HERPUD2: variants seen among roughly 807,000 people sequenced by gnomAD.
HERPUD2 encodes homocysteine-responsive endoplasmic reticulum-resident ubiquitin-like domain member 2 protein.
A neutral mutation model predicts 49.9 loss-of-function variants in HERPUD2; 13 were observed. That is an observed-to-expected ratio of 0.26 (90% CI 0.17 to 0.41). The LOEUF is 0.41. Among genes scored for constraint, HERPUD2 ranks in the 10% least tolerant of loss-of-function variants. The pLI is 1.00. For missense variants in HERPUD2, 449 were observed against 492.2 expected (o/e 0.91, Z 0.83); for synonymous variants, 172 against 171.4 (o/e 1.00, Z -0.03).
chr7:35,684,219 T>C lies in HERPUD2; in HGVS notation c.147+9965A>G, dbSNP rs541805438. Among the ~76,000 whole-genome samples the C allele has an allele frequency of 1.8e-4, 27 of 152,136 alleles. 1 individual carries two copies. The highest frequency in any genetic ancestry group is 6.3e-4 in the African/African-American group (26 of 41,496). On this transcript the variant is annotated intron_variant, in intron 2 of 8. Transcript: ENST00000311350. ...GGCTAACACGGTGAAACCCTGTCTCTACTAAAAATACAAAAACAAAATTAG... is the reference window on the plus strand; with the variant it reads ...GGCTAACACGGTGAAACCCTGTCTCCACTAAAAATACAAAAACAAAATTAG...
chr7:35,636,953 C>G (rs374783127), intron 6 of HERPUD2, among the ~76,000 whole-genome samples: 1 of 151,976 alleles, frequency 6.6e-6, no homozygotes, highest in East Asian at 1.9e-4. Context: ...GCCAATGTGG[C>G]AAAACCCCTG....
intron 2 of HERPUD2, among the ~76,000 whole-genome samples, chr7:35,676,272 C>T (rs1278098653): frequency 6.6e-6 from 1 of 152,186 alleles, no homozygotes. Context: ...ACTGTATCTT[C>T]CTGGTATTGC....
rs909129744 is a variant in HERPUD2 at position 35,675,149 on chromosome 7, A to G, written c.148-1871T>C. 4.6e-5 allele frequency among the ~76,000 whole-genome samples: 7 copies of G among 152,220 alleles called. No homozygotes were observed. In the East Asian group the frequency reaches 5.8e-4, roughly 13 times the overall value. On this transcript the variant is annotated intron_variant, in intron 2 of 8. Coordinates refer to ENST00000311350, the MANE Select transcript of HERPUD2 (RefSeq NM_022373.5). ...CTATCCCCAGGTAGATAGTGTCAGAAGTACACTGAATTAAAGGACATTCAG... is the reference window on the plus strand; with the variant it reads ...CTATCCCCAGGTAGATAGTGTCAGAGGTACACTGAATTAAAGGACATTCAG...
rs572948288 is a variant in HERPUD2 at position 35,652,689 on chromosome 7, G to A, written c.495-14217C>T. Among the ~76,000 whole-genome samples, 5 of 151,536 alleles carry A rather than the reference G, an allele frequency of 3.3e-5. No homozygotes were observed. In the East Asian group the frequency reaches 7.8e-4, roughly 24 times the overall value. ...GAAAGGGAGGAAGGGAGGGAAGAGA[G>A]GGAGGGAGGGGAAGGGAAGGGAGAG... On this transcript the variant is annotated intron_variant, in intron 5 of 8. Transcript: ENST00000311350.
At chr7:35,643,252 T>C (rs1583539927) in intron 5 of HERPUD2, among the ~76,000 whole-genome samples, 1 of 152,202 alleles carries the variant, frequency 6.6e-6, no homozygotes, top group Admixed American at 6.5e-5. Flanking sequence ...CTCTGACCTA[T>C]CTACTTTGGC....
chr7:35,665,488 G>T (rs1785517969), intron 5 of HERPUD2, among the ~76,000 whole-genome samples: 1 of 152,238 alleles, frequency 6.6e-6, no homozygotes, highest in South Asian at 2.1e-4. Context: ...TAGGGTGGGA[G>T]TATCCCGATT....
chr7:35,647,235 C>T (rs763652963), intron 5 of HERPUD2, among the ~76,000 whole-genome samples: 41 of 152,058 alleles, frequency 2.7e-4, no homozygotes, highest in African/African-American at 8.2e-4. Context: ...CAAGACTCTG[C>T]GATTGCTTTA....
intron 2 of HERPUD2, among the ~76,000 whole-genome samples, chr7:35,679,868 G>A (rs1414127231): frequency 1.3e-5 from 2 of 152,114 alleles, no homozygotes; most frequent in African/African-American, 4.8e-5. Context: ...GTGACCAGTT[G>A]TTTAAGCCAA....
At chr7:35,645,321 C>T (rs1785032425) in intron 5 of HERPUD2, among the ~76,000 whole-genome samples, 1 of 152,084 alleles carries the variant, frequency 6.6e-6, no homozygotes, top group African/African-American at 2.4e-5. Flanking sequence ...GCTGGGCTTC[C>T]CTATAGTCAT....
At chr7:35,670,167 C>CA in intron 4 of HERPUD2, 48 bp downstream of exon 4, 1 of 911,554 alleles carries the variant, frequency 1.1e-6, no homozygotes, top group Non-Finnish European at 1.7e-6. Context: ...AAGACGACGA[C>CA]GAAAAAAAAA....
intron 5 of HERPUD2, among the ~76,000 whole-genome samples, chr7:35,665,710 T>A (rs1177171217): frequency 6.6e-6 from 1 of 152,250 alleles, no homozygotes; most frequent in African/African-American, 2.4e-5. Context: ...AGACTGGAGC[T>A]GTTCCTATTC....
intron 8 of HERPUD2, among the ~76,000 whole-genome samples, chr7:35,634,084 T>G (rs1218624201): frequency 6.6e-6 from 1 of 152,082 alleles, no homozygotes; most frequent in Non-Finnish European, 1.5e-5. Context: ...TAGGCTATTT[T>G]CAAGAAAAAA....
Position 35,678,290 on chromosome 7 carries a change from T to C in HERPUD2, c.148-5012A>G, listed in dbSNP as rs141952034. Among the ~76,000 whole-genome samples, 5 of 151,866 alleles carry C rather than the reference T, an allele frequency of 3.3e-5. No homozygotes were observed. The East Asian group carries it at 9.7e-4, about 29-fold the overall frequency. ...TCACATTAGAACTTTCAAGTCTCAG[T>C]TTTTTTGTTGTTGCTTTTTTTTTGT... On this transcript the variant is annotated intron_variant, in intron 2 of 8. Coordinates refer to ENST00000311350, the MANE Select transcript of HERPUD2 (RefSeq NM_022373.5).
At chr7:35,694,109 A>G (rs2116071470) in intron 2 of HERPUD2, 75 bp downstream of exon 2, 1 of 1,497,934 alleles carries the variant, frequency 6.7e-7, no homozygotes, top group Non-Finnish European at 9.3e-7. Flanking sequence ...TGGAGGGGAG[A>G]AGCAGGAAAA....
chr7:35,672,050 AAAG>A (rs1785655115), intron 3 of HERPUD2, among the ~76,000 whole-genome samples: 1 of 152,006 alleles, frequency 6.6e-6, no homozygotes, highest in Non-Finnish European at 1.5e-5. Context: ...AAACTCATAG[AAAG>A]TGCAACACCA....
chr7:35,691,310 A>G (rs912567926), intron 2 of HERPUD2, among the ~76,000 whole-genome samples: 3 of 152,120 alleles, frequency 2.0e-5, no homozygotes, highest in East Asian at 1.9e-4. Flanking sequence ...AGATTTTACA[A>G]CTTCATAGAG....
At chr7:35,650,086 TAA>T (rs148201535) in intron 5 of HERPUD2, among the ~76,000 whole-genome samples, 226 of 152,250 alleles carry the variant, frequency 1.5e-3, no homozygotes, top group Middle Eastern at 6.8e-3. Context: ...ATAGGGATTC[TAA>T]GAGAGGCTTC....
chr7:35,656,753 C>T (rs1388184746), intron 5 of HERPUD2, among the ~76,000 whole-genome samples: 3 of 152,076 alleles, frequency 2.0e-5, no homozygotes, highest in Non-Finnish European at 4.4e-5. Context: ...CAAGAACATA[C>T]ACTGGGGAAA....
At chr7:35,668,699 A>T (rs2115959247) in intron 4 of HERPUD2, 1 of 153,874 alleles carries the variant, frequency 6.5e-6, no homozygotes, top group South Asian at 2.1e-4. Flanking sequence ...CACACAATAG[A>T]TATCAAATAT....
Sources: gnomAD v4.1 joint callset for allele counts (sites outside exome capture counted in the v4.1 genomes callset) on GRCh38, gnomAD v4.1.1 for gene constraint, MANE v1.5 for transcripts, NCBI Gene and HGNC (gene_info 2026-07-23, HGNC 2026-07-21) for gene names.